Variants in RECQL5 observed in about 807,000 individuals in gnomAD.
RECQL5 encodes ATP-dependent DNA helicase Q5.
Under a neutral mutation model 103.4 loss-of-function variants are expected in RECQL5, and 88 were observed. That is an observed-to-expected ratio of 0.85 (90% confidence interval 0.72 to 1.02). The LOEUF (loss-of-function observed/expected upper bound fraction) is 1.02. RECQL5 is among the 50% of genes least tolerant of loss of function. The pLI is 0.00. For missense variants in RECQL5, 1,232 were observed against 1,284.3 expected (o/e 0.96, Z 0.62); for synonymous variants, 552 against 507.9 (o/e 1.09, Z -1.17).
chr17:75,628,664 G>A lies in RECQL5; in HGVS notation c.2580+8C>T, dbSNP rs756662374. Reference sequence around the variant, plus strand: ...TCTCCTCCCCAACAGACTCATCCCTGCCGGCACCTGCTGGGATCGAGGCCG... The same window carrying A: ...TCTCCTCCCCAACAGACTCATCCCTACCGGCACCTGCTGGGATCGAGGCCG... On this transcript the variant is annotated splice_region_variant and intron_variant, in intron 17 of 19. Transcript: ENST00000317905. The A allele has an allele frequency of 6.3e-6, 10 of 1,582,532 alleles. No homozygotes were observed. Among genetic ancestry groups the A allele is most frequent in the Non-Finnish European group, 4.3e-6 (5 of 1,171,144 alleles).
At chr17:75,665,974 G>C (rs907209479) in intron 2 of RECQL5, among the ~76,000 whole-genome samples, 1 of 152,210 alleles carries the variant, frequency 6.6e-6, no homozygotes, top group Non-Finnish European at 1.5e-5. Context: ...GAATTACCTA[G>C]GAGGCCAGTG....
intron 6 of RECQL5, among the ~76,000 whole-genome samples, 160 bp downstream of exon 6, chr17:75,660,795 C>G (rs1053158951): frequency 1.7e-4 from 26 of 152,216 alleles, no homozygotes; most frequent in African/African-American, 5.8e-4. Context: ...CGCACAGGAG[C>G]TGTCAGCATT....
rs2059315424 is a variant in RECQL5 at position 75,636,025 on chromosome 17, CTGAG to C, written c.1230-4361_1230-4358del. ...TCCGGCTCTGCCAGCCTTCTCTGCC[CTGAG>C]TGTTTCCCCTGTGCTGACCGCTACT... is the stretch of plus-strand genomic sequence containing the variant. On this transcript the variant is annotated intron_variant, in intron 8 of 19. Transcript: ENST00000317905. The surrounding 1 kb of genome is among the most constrained non-coding windows in gnomAD (Gnocchi z 5.4). Among the ~76,000 whole-genome samples the C allele has an allele frequency of 6.6e-6, 1 of 152,246 alleles. No individual in the cohort carries two copies. The highest frequency in any genetic ancestry group is 1.5e-5 in the Non-Finnish European group (1 of 68,038).
intron 8 of RECQL5, chr17:75,634,252 G>A: frequency 1.0e-6 from 1 of 985,534 alleles, no homozygotes. Context: ...GGAGCAGCAA[G>A]GGTCCCCTGC....
Position 75,631,431 on chromosome 17 carries a change from T to C in RECQL5, c.1448+19A>G, listed in dbSNP as rs1213780118. The C allele has an allele frequency of 4.4e-6, 7 of 1,601,990 alleles. No homozygotes were observed. The highest frequency in any genetic ancestry group is 2.2e-5 in the East Asian group (1 of 44,536). ...AGGCAATTCCAGCGGGTTGGAGCCC[T>C]GGCTTCTCGGCCCCTTACCTGCTGA... On this transcript the variant is annotated intron_variant, in intron 9 of 19. Coordinates refer to ENST00000317905, the MANE Select transcript of RECQL5 (RefSeq NM_004259.7).
At chr17:75,637,161 T>C (rs2059339122) in intron 8 of RECQL5, 1 of 152,310 alleles carries the variant, frequency 6.6e-6, no homozygotes, top group Admixed American at 6.5e-5. Flanking sequence ...CTCCCTGTTC[T>C]GGTGAGCACA....
intron 3 of RECQL5, among the ~76,000 whole-genome samples, chr17:75,663,366 A>G (rs2059724450): frequency 6.6e-6 from 1 of 151,960 alleles, no homozygotes; most frequent in Non-Finnish European, 1.5e-5. Context: ...ACATGTACCT[A>G]GAACTTAAAG....
At chr17:75,658,550 C>A in intron 6 of RECQL5, 90 bp from the exon 7 acceptor site, 1 of 1,249,950 alleles carries the variant, frequency 8.0e-7, no homozygotes, top group Non-Finnish European at 1.1e-6. Context: ...AGCAGGGAGG[C>A]CAGCAGATAG....
rs772695722 is a variant in RECQL5 at position 75,647,550 on chromosome 17, G to A, written c.1229+3636C>T. 149 of 1,550,028 alleles carry A rather than the reference G, an allele frequency of 9.6e-5. No homozygotes were observed. In the Middle Eastern group the frequency reaches 1.1e-3, roughly 11 times the overall value. On this transcript the variant is annotated intron_variant, in intron 8 of 19. Coordinates refer to ENST00000317905, the MANE Select transcript of RECQL5 (RefSeq NM_004259.7). ...CCACAGAAAACACTCAGTGTGAAGC[G>A]GGTGAAGAGGAGTGACCTGACTTGC...
Position 75,662,563 on chromosome 17 carries a change from C to G in RECQL5, c.687G>C (p.Val229=). The G allele has an allele frequency of 6.2e-7, 1 of 1,614,172 alleles. No homozygotes were observed. The highest frequency in any genetic ancestry group is 8.5e-7 in the Non-Finnish European group (1 of 1,180,030). ...GATCAGAAATCAGTTCCTTGAATTGCACATCATAGAAGAGGTTGGCCCGGA... is the reference window on the plus strand; with the variant it reads ...GATCAGAAATCAGTTCCTTGAATTGGACATCATAGAAGAGGTTGGCCCGGA... ...PCFRANLFYD[V]QFKELISDPY... Residue 229 remains valine (V), a synonymous_variant, in exon 4 of 20, where the codon GTG becomes GTC. Transcript: ENST00000317905.
At chr17:75,661,484 C>T (rs1448663482) in intron 5 of RECQL5, 122 bp downstream of exon 5, 1 of 706,712 alleles carries the variant, frequency 1.4e-6, no homozygotes, top group Non-Finnish European at 2.5e-6. Flanking sequence ...ATCACTTTAG[C>T]TCTGCCTGAG....
In RECQL5 at chr17:75,628,681, T is replaced by A. The variant is rs887087313; in HGVS notation, c.2571A>T (p.Arg857=). ...TCATCCCTGCCGGCACCTGCTGGGA[T>A]CGAGGCCGCTTGCCCTTCCATGTGT... ...AKDTWKGKRP[R]SQQENPESQP... The change falls in exon 17 of 20, where the codon CGA becomes CGT. Residue 857 remains arginine, a synonymous_variant. Transcript: ENST00000317905. The A allele has an allele frequency of 6.3e-7, 1 of 1,587,244 alleles. No individual in the cohort carries two copies. The highest frequency in any genetic ancestry group is 8.5e-7 in the Non-Finnish European group (1 of 1,173,036).
intron 3 of RECQL5, among the ~76,000 whole-genome samples, chr17:75,663,672 G>A (rs1405230399): frequency 1.3e-5 from 2 of 152,114 alleles, no homozygotes; most frequent in East Asian, 1.9e-4. Flanking sequence ...CCACATGCTC[G>A]CTGGCTGTTT....
Position 75,628,991 on chromosome 17 carries a change from G to T in RECQL5, c.2432C>A (p.Ala811Asp). ...PEKYTGEEDG[A>D]GGHSPAPPQT... ...GGGAGGGGCAGGCGAATGTCCCCCG[G>T]CTCCATCTTCCTCCCCTGTGTACTT... Residue 811 changes from alanine to aspartate, a missense_variant, in exon 16 of 20, where the codon GCC (alanine) becomes GAC (aspartate). Transcript: ENST00000317905. 2 of 1,563,322 alleles carry T rather than the reference G, an allele frequency of 1.3e-6. No homozygotes were observed. The highest frequency in any genetic ancestry group is 1.7e-6 in the Non-Finnish European group (2 of 1,157,570).
chr17:75,632,165 A>G (rs1183722666), intron 8 of RECQL5, among the ~76,000 whole-genome samples: 4 of 152,174 alleles, frequency 2.6e-5, no homozygotes, highest in African/African-American at 9.6e-5. Context: ...CTGCACAGCC[A>G]ATGGTGGTCC....
intron 8 of RECQL5, among the ~76,000 whole-genome samples, chr17:75,634,829 CTT>C (rs2059288467): frequency 6.6e-6 from 1 of 152,236 alleles, no homozygotes; most frequent in South Asian, 2.1e-4. Context: ...GGAGGACTGA[CTT>C]TCAACTCAGG....
intron 7 of RECQL5, 149 bp from the exon 8 acceptor site, chr17:75,651,414 G>C: frequency 1.1e-6 from 1 of 872,194 alleles, no homozygotes; most frequent in Admixed American, 2.0e-5. Context: ...TTGAGGTCAG[G>C]AGTTCGAGAC....
At chr17:75,654,194 C>T (rs2059589307) in intron 7 of RECQL5, among the ~76,000 whole-genome samples, 1 of 152,098 alleles carries the variant, frequency 6.6e-6, no homozygotes, top group Non-Finnish European at 1.5e-5. Flanking sequence ...CTGTGTTTCC[C>T]CTGAAATAGC....
At chr17:75,656,759 T>G (rs2059626214) in intron 7 of RECQL5, among the ~76,000 whole-genome samples, 1 of 150,266 alleles carries the variant, frequency 6.7e-6, no homozygotes, top group Non-Finnish European at 1.5e-5. Flanking sequence ...TTTTTTTTTT[T>G]TTTGAGACAG....
Sources: gnomAD v4.1 joint callset for allele counts (sites outside exome capture counted in the v4.1 genomes callset) on GRCh38, gnomAD v4.1.1 for gene constraint, Gnocchi (gnomAD v3.1) non-coding constraint, MANE v1.5 for transcripts, NCBI Gene and HGNC (gene_info 2026-07-23, HGNC 2026-07-21) for gene names.